LRRC37A3: variants seen among roughly 807,000 people sequenced by gnomAD.
The protein encoded by LRRC37A3 is leucine rich repeat containing 37 member A3, also known as leucine-rich repeat-containing protein 37A3.
In LRRC37A3, 25 loss-of-function variants were observed where a neutral mutation model predicts 106.2. That is an observed-to-expected ratio of 0.24 (90% CI 0.17 to 0.33). LRRC37A3 has a LOEUF of 0.33. Ranked by LOEUF, LRRC37A3 falls within the 10% of genes least tolerant of loss-of-function variation. The pLI is 1.00. For missense variants in LRRC37A3, 712 were observed against 1,644.9 expected (o/e 0.43, Z 9.81); for synonymous variants, 305 against 635.8 (o/e 0.48, Z 7.83).
intron 11 of LRRC37A3, among the ~76,000 whole-genome samples, chr17:64,862,640 G>A (rs1441235857): frequency 6.6e-6 from 1 of 152,090 alleles, no homozygotes; most frequent in East Asian, 1.9e-4. Flanking sequence ...GGATGTTAAT[G>A]TTATTCCCTA....
At chr17:64,875,669 G>C (rs2143478861) in intron 8 of LRRC37A3, among the ~76,000 whole-genome samples, 1 of 152,144 alleles carries the variant, frequency 6.6e-6, no homozygotes, top group African/African-American at 2.4e-5. Flanking sequence ...CGTGCCTGCA[G>C]TCCTAGCTAC....
chr17:64,858,957 CTTT>C, intron 12 of LRRC37A3, 74 bp from the exon 13 acceptor site: 1 of 1,064,036 alleles, frequency 9.4e-7, no homozygotes, highest in South Asian at 1.4e-5. Flanking sequence ...CTTACAGGTT[CTTT>C]TTTATTTTTT....
chr17:64,874,341 G>A (rs868484073), intron 8 of LRRC37A3, among the ~76,000 whole-genome samples: 9 of 146,150 alleles, frequency 6.2e-5, no homozygotes, highest in South Asian at 4.5e-4. Flanking sequence ...TGGCTGCCCC[G>A]TCTGAGACGT....
intron 2 of LRRC37A3, among the ~76,000 whole-genome samples, chr17:64,915,407 G>C (rs1567789388): frequency 6.6e-6 from 1 of 152,214 alleles, no homozygotes; most frequent in Non-Finnish European, 1.5e-5. Flanking sequence ...CAATATAATT[G>C]ATAATTTGTA....
At chr17:64,918,544 G>A (rs940190168) in intron 2 of LRRC37A3, among the ~76,000 whole-genome samples, 1 of 152,140 alleles carries the variant, frequency 6.6e-6, no homozygotes, top group African/African-American at 2.4e-5. Flanking sequence ...CAAAGCAAAA[G>A]CTACAAGAAA....
intron 2 of LRRC37A3, among the ~76,000 whole-genome samples, chr17:64,905,074 T>A (rs1314764684): frequency 6.6e-6 from 1 of 152,292 alleles, no homozygotes; most frequent in East Asian, 1.9e-4. Flanking sequence ...ATGTATTAAA[T>A]AAATTTATTA....
chr17:64,882,407 G>C (rs1973733933), intron 8 of LRRC37A3, among the ~76,000 whole-genome samples: 1 of 152,098 alleles, frequency 6.6e-6, no homozygotes, highest in Non-Finnish European at 1.5e-5. Context: ...GCAGCTGAGA[G>C]AAGAAAAGTA....
In LRRC37A3 at chr17:64,859,522, C is replaced by A. The variant is rs371452075; in HGVS notation, c.4624G>T (p.Asp1542Tyr). 10 of 1,611,510 alleles carry A rather than the reference C, an allele frequency of 6.2e-6. No homozygotes were observed. The African/African-American group carries it at 1.4e-4, about 22-fold the overall frequency. The change falls in exon 12 of 15, where the codon GAT becomes TAT. Residue 1542 changes from aspartate to tyrosine, a missense_variant. Coordinates refer to ENST00000584306, the MANE Select transcript of LRRC37A3 (RefSeq NM_199340.5). ...TTCTCAGTCTTCCATTGGTCCGTATCCCATTCTATCTTGGATGCCTTTACT... is the reference window on the plus strand; with the variant it reads ...TTCTCAGTCTTCCATTGGTCCGTATACCATTCTATCTTGGATGCCTTTACT... Reference protein sequence around the residue: ...QEVKASKIEWDTDQWKTENYI... With the variant: ...QEVKASKIEWYTDQWKTENYI...
rs1236183333 is a variant in LRRC37A3, at chr17:64,896,764, C to G, written c.494G>C (p.Gly165Ala). Residue 165 changes from glycine (G) to alanine (A), a missense_variant, in exon 4 of 15, where the codon GGA (glycine) becomes GCA (alanine). Gly to Ala is a moderately conservative substitution (Grantham distance 60, BLOSUM62 0). Coordinates refer to ENST00000584306, the MANE Select transcript of LRRC37A3 (RefSeq NM_199340.5). Reference protein sequence around the residue: ...AQRWSLAEIIGIIHQLSTPQS... With the variant: ...AQRWSLAEIIAIIHQLSTPQS... ...AGGTGTGGATAATTGGTGTATAATTCCAATAATCTCAGCAAGGCTCCAACG... is the reference window on the plus strand; with the variant it reads ...AGGTGTGGATAATTGGTGTATAATTGCAATAATCTCAGCAAGGCTCCAACG... 3.7e-6 allele frequency: 6 copies of G among 1,606,342 alleles called. No homozygotes were observed. The highest frequency in any genetic ancestry group is 5.1e-6 in the Non-Finnish European group (6 of 1,179,972).
chr17:64,864,322 C>T (rs1356476676), intron 10 of LRRC37A3, among the ~76,000 whole-genome samples: 2 of 152,166 alleles, frequency 1.3e-5, no homozygotes, highest in Non-Finnish European at 2.9e-5. Context: ...AGACAACTAT[C>T]TTTGACTCTT....
chr17:64,860,346 T>A lies in LRRC37A3; in HGVS notation c.3800A>T (p.Gln1267Leu), dbSNP rs775528592. The A allele has an allele frequency of 9.3e-6, 15 of 1,613,996 alleles. No homozygotes were observed. The highest frequency in any genetic ancestry group is 1.3e-5 in the Non-Finnish European group (15 of 1,179,870). ...TAAGTCTTTCCATCTGTCTCTCACC[T>A]GTGGTAGGGCTTTTGCAGGGCTGGA... ...STSSPAKALP[Q>L]VRDRWKDLTH... Residue 1267 changes from glutamine (Q) to leucine (L), a missense_variant, in exon 12 of 15, where the codon CAG (glutamine) becomes CTG (leucine). Transcript: ENST00000584306.
intron 2 of LRRC37A3, among the ~76,000 whole-genome samples, chr17:64,916,802 C>T (rs2685575): frequency 0.019 from 2,107 of 112,732 alleles, no homozygotes; most frequent in Non-Finnish European, 0.03. Context: ...AAAAAAAAGA[C>T]TTTAGTATTT....
chr17:64,903,547 G>GGGAGGT (rs1445570985), intron 2 of LRRC37A3, among the ~76,000 whole-genome samples: 10 of 125,906 alleles, frequency 7.9e-5, no homozygotes, highest in Non-Finnish European at 1.3e-4. Context: ...GCTTGAACCT[G>GGGAGGT]GGAGGTGGAG....
intron 13 of LRRC37A3, 94 bp from the exon 14 acceptor site, chr17:64,855,983 C>T: frequency 3.8e-6 from 6 of 1,598,074 alleles, no homozygotes; most frequent in Non-Finnish European, 5.1e-6. Flanking sequence ...TAAGTCTCAT[C>T]TACCTGATGA....
intron 10 of LRRC37A3, among the ~76,000 whole-genome samples, chr17:64,864,234 C>T (rs1972981222): frequency 6.6e-6 from 1 of 152,096 alleles, no homozygotes; most frequent in Admixed American, 6.5e-5. Context: ...ATCACCTATG[C>T]AGTATTTTTC....
At chr17:64,917,749 C>T (rs1481370563) in intron 2 of LRRC37A3, among the ~76,000 whole-genome samples, 1 of 152,034 alleles carries the variant, frequency 6.6e-6, no homozygotes, top group African/African-American at 2.4e-5. Context: ...GGCGGATTAC[C>T]TGAGGTCAGG....
At chr17:64,917,075 CTCTACTAAATA>C (rs1465723357) in intron 2 of LRRC37A3, among the ~76,000 whole-genome samples, 10 of 151,572 alleles carry the variant, frequency 6.6e-5, no homozygotes, top group African/African-American at 2.4e-4. Flanking sequence ...GAAACCCCGT[CTCTACTAAATA>C]TACACAAAAA....
chr17:64,857,736 A>G (rs1972727575), intron 13 of LRRC37A3, among the ~76,000 whole-genome samples: 1 of 152,168 alleles, frequency 6.6e-6, no homozygotes, highest in African/African-American at 2.4e-5. Flanking sequence ...GGCTTTTGAA[A>G]GATGCATAGG....
At chr17:64,875,423 A>G (rs995381040) in intron 8 of LRRC37A3, among the ~76,000 whole-genome samples, 1 of 152,240 alleles carries the variant, frequency 6.6e-6, no homozygotes, top group Non-Finnish European at 1.5e-5. Context: ...TTCTAGATAA[A>G]TAAAAACTGA....
Sources: allele counts gnomAD v4.1 joint callset (sites outside exome capture counted in the v4.1 genomes callset), GRCh38; gene constraint gnomAD v4.1.1; transcripts MANE v1.5; gene names NCBI Gene and HGNC (gene_info 2026-07-23, HGNC 2026-07-21).